EYA4: variants seen among roughly 807,000 people sequenced by gnomAD.
EYA4 encodes EYA transcriptional coactivator and phosphatase 4.
A neutral mutation model predicts 87.9 loss-of-function variants in EYA4; 31 were observed. The ratio of observed to expected loss-of-function variants is 0.35; its 90% CI spans 0.27 to 0.48. The LOEUF is 0.48. Among genes scored for constraint, EYA4 ranks in the 20% least tolerant of loss-of-function variants. The probability of loss-of-function intolerance (pLI) is 0.99; values close to 1 mark genes in which losing one functional copy is unlikely to be tolerated. For synonymous variants in EYA4, 263 were observed against 270.6 expected (o/e 0.97, Z 0.28); for missense variants, 678 against 761.4 (o/e 0.89, Z 1.29).
chr6:133,507,779 T>C (rs1798775218), intron 14 of EYA4, among the ~76,000 whole-genome samples: 1 of 152,232 alleles, frequency 6.6e-6, no homozygotes, highest in African/African-American at 2.4e-5. Flanking sequence ...CTATCATTGA[T>C]GGGCATTTGG....
chr6:133,308,481 C>T (rs531688604), intron 2 of EYA4, among the ~76,000 whole-genome samples: 97 of 152,126 alleles, frequency 6.4e-4, no homozygotes, highest in South Asian at 2.1e-4. Flanking sequence ...TTTGATTGAT[C>T]CACTCACTCA....
At chr6:133,374,193 T>G (rs1157060168) in intron 2 of EYA4, among the ~76,000 whole-genome samples, 1 of 152,124 alleles carries the variant, frequency 6.6e-6, no homozygotes, top group African/African-American at 2.4e-5. Context: ...TGTTGCTAAG[T>G]TGCTTTTTGA....
chr6:133,262,651 A>G, intron 1 of EYA4, among the ~76,000 whole-genome samples: 1 of 152,238 alleles, frequency 6.6e-6, no homozygotes, highest in African/African-American at 2.4e-5. Flanking sequence ...TTGCCATCAA[A>G]TGAACTTATG....
chr6:133,346,022 A>C lies in EYA4; in HGVS notation c.34-36370A>C, dbSNP rs191791405. ...GTCTACACTCCAGGAGGCGATAGACACTTGACTTGCTCACTCCTTTCTCAG... is the reference window on the plus strand; with the variant it reads ...GTCTACACTCCAGGAGGCGATAGACCCTTGACTTGCTCACTCCTTTCTCAG... On this transcript the variant is annotated intron_variant, in intron 2 of 19. Transcript: ENST00000355286. Among the ~76,000 whole-genome samples, 528 of 152,312 alleles carry C rather than the reference A, an allele frequency of 3.5e-3. 2 individuals are homozygous for C. Among genetic ancestry groups the C allele is most frequent in the African/African-American group, 0.012 (495 of 41,574 alleles).
At chr6:133,442,802 C>T (rs908649190) in intron 3 of EYA4, among the ~76,000 whole-genome samples, 16 of 151,956 alleles carry the variant, frequency 1.1e-4, no homozygotes, top group East Asian at 7.7e-4. Context: ...TTCAAGAGTG[C>T]TTTTATCAGA....
At chr6:133,445,859 C>T (rs1440514536) in intron 3 of EYA4, among the ~76,000 whole-genome samples, 3 of 152,210 alleles carry the variant, frequency 2.0e-5, no homozygotes, top group African/African-American at 7.2e-5. Flanking sequence ...GGATTACAGG[C>T]GTGAGCCACC....
chr6:133,495,688 C>G (rs552232960), intron 13 of EYA4, among the ~76,000 whole-genome samples: 19 of 151,994 alleles, frequency 1.3e-4, no homozygotes, highest in Non-Finnish European at 2.6e-4. Flanking sequence ...AATGGCCATG[C>G]CTTAGATAGG....
At chr6:133,469,983 G>A (rs986218270) in intron 11 of EYA4, among the ~76,000 whole-genome samples, 1 of 151,374 alleles carries the variant, frequency 6.6e-6, no homozygotes, top group African/African-American at 2.4e-5. Context: ...GTAGATTCTG[G>A]ATATTAGCCC....
chr6:133,443,798 TG>T (rs1441724483), intron 3 of EYA4, among the ~76,000 whole-genome samples: 1 of 152,172 alleles, frequency 6.6e-6, no homozygotes, highest in Non-Finnish European at 1.5e-5. Flanking sequence ...GGAAGTGTAG[TG>T]TTTAATTTTC....
At chr6:133,385,505 C>A (rs1198134460) in intron 3 of EYA4, among the ~76,000 whole-genome samples, 1 of 147,478 alleles carries the variant, frequency 6.8e-6, no homozygotes, top group African/African-American at 2.5e-5. Flanking sequence ...TTATTCTAAA[C>A]AAATATCAAA....
intron 3 of EYA4, among the ~76,000 whole-genome samples, chr6:133,443,347 T>C (rs2128615491): frequency 6.6e-6 from 1 of 152,154 alleles, no homozygotes; most frequent in Middle Eastern, 3.4e-3. Flanking sequence ...TCTATGTTAA[T>C]TGGATCAATT....
intron 2 of EYA4, among the ~76,000 whole-genome samples, chr6:133,304,497 G>A (rs1003027065): frequency 6.6e-6 from 1 of 152,180 alleles, no homozygotes; most frequent in East Asian, 1.9e-4. Flanking sequence ...CTTTAACAGA[G>A]GTGGGTGAGA....
chr6:133,457,318 A>C (rs140713617), intron 6 of EYA4, among the ~76,000 whole-genome samples: 5 of 152,302 alleles, frequency 3.3e-5, no homozygotes, highest in African/African-American at 1.2e-4. Context: ...TTAAGTTACA[A>C]TATTTCTTCG....
At chr6:133,368,780 A>AC (rs1785048298) in intron 2 of EYA4, among the ~76,000 whole-genome samples, 1 of 152,140 alleles carries the variant, frequency 6.6e-6, no homozygotes, top group Non-Finnish European at 1.5e-5. Context: ...GCACACACTC[A>AC]CCCAGTTTCG....
At chr6:133,432,404 T>G (rs920620266) in intron 3 of EYA4, among the ~76,000 whole-genome samples, 1 of 152,176 alleles carries the variant, frequency 6.6e-6, no homozygotes. Flanking sequence ...TTCAGGGCGC[T>G]GCATTGTGTT....
intron 11 of EYA4, among the ~76,000 whole-genome samples, chr6:133,480,894 A>G (rs994966145): frequency 6.6e-6 from 1 of 152,052 alleles, no homozygotes; most frequent in Non-Finnish European, 1.5e-5. Flanking sequence ...ATTCCAGGTC[A>G]GAGGGAAGGA....
At chr6:133,495,108 A>C (rs1279305518) in intron 13 of EYA4, among the ~76,000 whole-genome samples, 1 of 151,884 alleles carries the variant, frequency 6.6e-6, no homozygotes, top group Non-Finnish European at 1.5e-5. Flanking sequence ...GTCTCTGCTA[A>C]AAATAAAAAA....
At chr6:133,430,555 T>C (rs568698005) in intron 3 of EYA4, among the ~76,000 whole-genome samples, 1 of 152,216 alleles carries the variant, frequency 6.6e-6, no homozygotes, top group East Asian at 1.9e-4. Context: ...AGATTCTCCA[T>C]CAATCAGATT....
At chr6:133,299,941 ATCTATC>A (rs1465802208) in intron 2 of EYA4, among the ~76,000 whole-genome samples, 14 of 136,364 alleles carry the variant, frequency 1.0e-4, no homozygotes, top group Non-Finnish European at 1.6e-4. Flanking sequence ...CTATCTATCT[ATCTATC>A]TATCTATCTA....
Sources: gnomAD v4.1 joint callset for allele counts (sites outside exome capture counted in the v4.1 genomes callset) on GRCh38, gnomAD v4.1.1 for gene constraint, MANE v1.5 for transcripts, NCBI Gene and HGNC (gene_info 2026-07-23, HGNC 2026-07-21) for gene names.